Variants in SORCS2 observed in about 807,000 individuals in gnomAD.
SORCS2 encodes the protein sortilin related VPS10 domain containing receptor 2.
Under a neutral mutation model 141.6 loss-of-function variants are expected in SORCS2, and 100 were observed. That is an observed-to-expected ratio of 0.71 (90% confidence interval 0.60 to 0.83). The LOEUF is 0.83. Among genes scored for constraint, SORCS2 ranks in the 40% least tolerant of loss-of-function variants. The pLI is 0.00. For missense variants in SORCS2, 1,646 were observed against 1,560.2 expected (o/e 1.05, Z -0.93); for synonymous variants, 789 against 676.9 (o/e 1.17, Z -2.57).
chr4:7,514,392 C>G (rs1408271242), intron 2 of SORCS2, among the ~76,000 whole-genome samples: 1 of 151,958 alleles, frequency 6.6e-6, no homozygotes, highest in African/African-American at 2.4e-5. Flanking sequence ...TGACCAGACA[C>G]CAGCACTCCT....
At chr4:7,213,433 C>T (rs900507552) in intron 1 of SORCS2, among the ~76,000 whole-genome samples, 2 of 152,182 alleles carry the variant, frequency 1.3e-5, no homozygotes. Flanking sequence ...TGAAGGCAGT[C>T]AGGGAAATGG....
At chr4:7,220,769 C>G (rs1002253750) in intron 1 of SORCS2, among the ~76,000 whole-genome samples, 4 of 152,122 alleles carry the variant, frequency 2.6e-5, no homozygotes, top group Non-Finnish European at 5.9e-5. Flanking sequence ...ATGCCACTTT[C>G]CAGCTCCTTC....
At chr4:7,714,810 A>G (rs1577108788) in intron 16 of SORCS2, among the ~76,000 whole-genome samples, 1 of 151,328 alleles carries the variant, frequency 6.6e-6, no homozygotes, top group Non-Finnish European at 1.5e-5. Context: ...CTGCCACCTC[A>G]CCCCTCCTCA....
chr4:7,394,800 C>T (rs145562316), intron 1 of SORCS2, among the ~76,000 whole-genome samples: 5 of 152,124 alleles, frequency 3.3e-5, no homozygotes, highest in South Asian at 2.1e-4. Context: ...AGCTCCACCC[C>T]CCGAGGCCAG....
chr4:7,712,942 G>A, intron 15 of SORCS2, 89 bp downstream of exon 15: 1 of 1,533,272 alleles, frequency 6.5e-7, no homozygotes, highest in East Asian at 2.3e-5. Flanking sequence ...CCCCTGCAAG[G>A]CCGCAGGGCA....
At chr4:7,403,961 G>GTATATATATATA (rs71635960) in intron 2 of SORCS2, among the ~76,000 whole-genome samples, 38 of 29,770 alleles carry the variant, frequency 1.3e-3, no homozygotes, top group East Asian at 3.5e-3. Context: ...CTCCATGTGT[G>GTATATATATATA]TATATATATA....
chr4:7,416,530 TC>T (rs33985483), intron 2 of SORCS2, among the ~76,000 whole-genome samples: 10,544 of 151,908 alleles, frequency 0.069, 532 homozygotes, highest in African/African-American at 0.15. Context: ...ACTGACACAC[TC>T]ACACACGCCC....
At chr4:7,546,514 T>A (rs998398501) in intron 3 of SORCS2, among the ~76,000 whole-genome samples, 1 of 151,896 alleles carries the variant, frequency 6.6e-6, no homozygotes, top group African/African-American at 2.4e-5. Context: ...AAACAATAAA[T>A]GGTGCTGTCC....
At chr4:7,570,138 C>T (rs539568493) in intron 3 of SORCS2, among the ~76,000 whole-genome samples, 119 of 152,186 alleles carry the variant, frequency 7.8e-4, no homozygotes, top group African/African-American at 2.7e-3. Flanking sequence ...GAGAGGGGAG[C>T]GAGGAGATTC....
chr4:7,265,406 G>A (rs948675055), intron 1 of SORCS2, among the ~76,000 whole-genome samples: 30 of 152,166 alleles, frequency 2.0e-4, no homozygotes, highest in African/African-American at 6.8e-4. Flanking sequence ...CAGGGGAATC[G>A]CTTGAACCTG....
At chr4:7,198,542 C>T (rs1727301162) in intron 1 of SORCS2, among the ~76,000 whole-genome samples, 1 of 152,112 alleles carries the variant, frequency 6.6e-6, no homozygotes. Flanking sequence ...CCCCCGGTGG[C>T]TGAGCTGTGG....
intron 2 of SORCS2, among the ~76,000 whole-genome samples, chr4:7,406,001 G>T (rs1724945534): frequency 6.6e-6 from 1 of 151,670 alleles, no homozygotes; most frequent in Admixed American, 6.6e-5. Context: ...TATTATTTTG[G>T]AGTATATTCC....
At chr4:7,530,308 G>T (rs527608183) in intron 2 of SORCS2, among the ~76,000 whole-genome samples, 84 of 152,360 alleles carry the variant, frequency 5.5e-4, no homozygotes, top group South Asian at 1.2e-3. Context: ...TGCAGGCCGG[G>T]CTCAGAGCCA....
intron 2 of SORCS2, among the ~76,000 whole-genome samples, chr4:7,489,911 G>A (rs1731216554): frequency 1.3e-5 from 2 of 152,220 alleles, no homozygotes; most frequent in South Asian, 2.1e-4. Flanking sequence ...CATTCCAGCA[G>A]AGAAGGGTGT....
intron 6 of SORCS2, among the ~76,000 whole-genome samples, chr4:7,662,163 C>T (rs887846641): frequency 3.9e-5 from 6 of 152,168 alleles, no homozygotes; most frequent in African/African-American, 9.6e-5. Flanking sequence ...GTCCTCAACG[C>T]GGGGTCATCA....
At chr4:7,288,565 G>T (rs1411370940) in intron 1 of SORCS2, among the ~76,000 whole-genome samples, 1 of 122,508 alleles carries the variant, frequency 8.2e-6, no homozygotes, top group Non-Finnish European at 1.7e-5. Context: ...GGCGGGGGGC[G>T]GGGGGAGAGG....
At chr4:7,575,366 ATTT>A (rs1162009245) in intron 3 of SORCS2, among the ~76,000 whole-genome samples, 1 of 152,230 alleles carries the variant, frequency 6.6e-6, no homozygotes, top group Non-Finnish European at 1.5e-5. Flanking sequence ...TAATGTGAAA[ATTT>A]TTGAGATCTT....
chr4:7,465,917 A>T (rs778356986), intron 2 of SORCS2, among the ~76,000 whole-genome samples: 1 of 152,154 alleles, frequency 6.6e-6, no homozygotes, highest in Non-Finnish European at 1.5e-5. Context: ...GAGGAAACAG[A>T]GGTGCAGACA....
At chr4:7,322,134 C>G (rs914500304) in intron 1 of SORCS2, among the ~76,000 whole-genome samples, 4 of 152,186 alleles carry the variant, frequency 2.6e-5, no homozygotes, top group Admixed American at 6.5e-5. Context: ...CTCATTAGAC[C>G]AGATGCTGCT....
Sources: allele counts gnomAD v4.1 joint callset (sites outside exome capture counted in the v4.1 genomes callset), GRCh38; gene constraint gnomAD v4.1.1; transcripts MANE v1.5; gene names NCBI Gene and HGNC (gene_info 2026-07-23, HGNC 2026-07-21).